Variants in BCL7A observed in about 807,000 individuals in gnomAD.
BCL7A encodes the protein BAF chromatin remodeling complex subunit BCL7A.
In BCL7A, 11 loss-of-function variants were observed where a neutral mutation model predicts 28.4. The ratio of observed to expected loss-of-function variants is 0.39; its 90% confidence interval spans 0.24 to 0.64. BCL7A has a LOEUF of 0.64. BCL7A is among the 30% of genes least tolerant of loss of function. The probability of loss-of-function intolerance (pLI) is 0.50; values close to 1 mark genes in which losing one functional copy is unlikely to be tolerated. For missense variants in BCL7A, 222 were observed against 274.8 expected, an observed-to-expected ratio of 0.81 and a Z score of 1.36; for synonymous variants, 123 against 103.3, an observed-to-expected ratio of 1.19 and a Z score of -1.15.
At chr12:122,022,243 C>CT in intron 1 of BCL7A, 60 bp downstream of exon 1, 1 of 1,129,496 alleles carries the variant, frequency 8.9e-7, no homozygotes, top group Non-Finnish European at 1.1e-6. Context: ...GAGCGCGGCT[C>CT]CAGAGAGCCG....
In BCL7A at chr12:122,042,526, G is replaced by C. The variant is rs538646278; in HGVS notation, c.272-1360G>C. Among the ~76,000 whole-genome samples, 3 of 151,754 alleles carry C rather than the reference G, an allele frequency of 2.0e-5. No homozygotes were observed. In the East Asian group the frequency reaches 5.9e-4, roughly 30 times the overall value. On this transcript the variant is annotated intron_variant, in intron 3 of 5. Transcript: ENST00000261822. ...AAAACTCAGCCAGGTATGGTGGCAGGCGCCTGTAATCTACTTGGGAGGCTG... is the reference window on the plus strand; with the variant it reads ...AAAACTCAGCCAGGTATGGTGGCAGCCGCCTGTAATCTACTTGGGAGGCTG...
At chr12:122,047,168 C>T (rs1477957136) in intron 4 of BCL7A, among the ~76,000 whole-genome samples, 2 of 151,888 alleles carry the variant, frequency 1.3e-5, no homozygotes, top group Non-Finnish European at 2.9e-5. Flanking sequence ...TCCTAAAGTG[C>T]TGGGATTACA....
intron 4 of BCL7A, among the ~76,000 whole-genome samples, chr12:122,045,597 G>T (rs1208992087): frequency 1.3e-5 from 2 of 152,120 alleles, no homozygotes; most frequent in East Asian, 1.9e-4. Context: ...ACAAATATTT[G>T]TGTGTGTTTA....
intron 4 of BCL7A, among the ~76,000 whole-genome samples, chr12:122,050,007 C>T (rs1188568530): frequency 6.6e-6 from 1 of 152,148 alleles, no homozygotes; most frequent in Non-Finnish European, 1.5e-5. Context: ...CGGAGTCTCG[C>T]TGTGTCACCC....
Position 122,029,436 on chromosome 12 carries a change from A to G in BCL7A, c.93-1264A>G, listed in dbSNP as rs1481768142. Among the ~76,000 whole-genome samples the G allele has an allele frequency of 6.6e-6, 1 of 152,074 alleles. No individual in the cohort carries two copies. The highest frequency in any genetic ancestry group is 1.5e-5 in the Non-Finnish European group (1 of 68,012). On this transcript the variant is annotated intron_variant, in intron 1 of 5. Coordinates refer to ENST00000261822, the MANE Select transcript of BCL7A (RefSeq NM_001024808.3). This position sits in a 1 kb window ranked among gnomAD's most constrained non-coding sequence, Gnocchi z 4.3. Reference sequence around the variant, plus strand: ...GGGCCACATGCCCCACGAGGGGGTGATCTAAGGCTGAGTTTGGGCAGAGAG... The same window carrying G: ...GGGCCACATGCCCCACGAGGGGGTGGTCTAAGGCTGAGTTTGGGCAGAGAG...
chr12:122,045,504 C>T (rs1884056661), intron 4 of BCL7A, among the ~76,000 whole-genome samples: 1 of 151,948 alleles, frequency 6.6e-6, no homozygotes, highest in East Asian at 1.9e-4. Context: ...CCACTGGGGG[C>T]TTGGGTGACA....
chr12:122,022,878 C>A (rs12824404), intron 1 of BCL7A, among the ~76,000 whole-genome samples: 1 of 151,840 alleles, frequency 6.6e-6, no homozygotes, highest in Non-Finnish European at 1.5e-5. Context: ...CGCCCACGTC[C>A]CACCCCGCTC....
chr12:122,043,538 C>T (rs1266175057), intron 3 of BCL7A, among the ~76,000 whole-genome samples: 2 of 151,880 alleles, frequency 1.3e-5, no homozygotes, highest in Non-Finnish European at 2.9e-5. Context: ...TTTGGGAGGC[C>T]GAGGCAGGAG....
At chr12:122,044,098 C>A in intron 4 of BCL7A, 45 bp downstream of exon 4, 1 of 1,581,654 alleles carries the variant, frequency 6.3e-7, no homozygotes, top group Non-Finnish European at 8.6e-7. Flanking sequence ...TCCCTGTAAC[C>A]GGCCTTCAGG....
chr12:122,046,948 G>A (rs1446437058), intron 4 of BCL7A, among the ~76,000 whole-genome samples: 1 of 150,544 alleles, frequency 6.6e-6, no homozygotes, highest in East Asian at 2.0e-4. Flanking sequence ...CTGTCGCCCA[G>A]GCTGGAGTGC....
intron 3 of BCL7A, among the ~76,000 whole-genome samples, chr12:122,038,221 C>T (rs2135848200): frequency 6.6e-6 from 1 of 151,784 alleles, no homozygotes; most frequent in Admixed American, 6.6e-5. Context: ...CACTTGAGGC[C>T]AGGAGTTCAA....
chr12:122,030,806 G>C, intron 2 of BCL7A, 25 bp downstream of exon 2: 1 of 1,605,146 alleles, frequency 6.2e-7, no homozygotes, highest in South Asian at 1.1e-5. Context: ...CTGGTCCCCT[G>C]GGGTGGGCCA....
At position 122,048,656 on chromosome 12, in the gene BCL7A, C is replaced by T. The variant is rs548890359; in HGVS notation, c.439+4603C>T. On this transcript the variant is annotated intron_variant, in intron 4 of 5. Coordinates refer to ENST00000261822, the MANE Select transcript of BCL7A (RefSeq NM_001024808.3). ...GTCCCAGCTACTTGGGAGGCTGAGG[C>T]GAAGATCACTTGAGCCCAGGAGTTT... Among the ~76,000 whole-genome samples, 81 of 151,782 alleles carry T rather than the reference C, an allele frequency of 5.3e-4. No individual in the cohort carries two copies. The Middle Eastern group carries it at 0.01, about 19-fold the overall frequency.
chr12:122,035,417 G>A lies in BCL7A; in HGVS notation c.261G>A (p.Met87Ile). The change falls in exon 3 of 6, where the codon ATG becomes ATA. Residue 87 changes from methionine (M) to isoleucine (I), a missense_variant. Coordinates refer to ENST00000261822, the MANE Select transcript of BCL7A (RefSeq NM_001024808.3). Reference protein sequence around the residue: ...TPENSSSPGMMDMHDDNSNQS... With the variant: ...TPENSSSPGMIDMHDDNSNQS... ...AGAACAGTTCCTCCCCAGGGATGAT[G>A]GACATGCATGGTGAGTGCCCATGGC... 6.2e-7 allele frequency: 1 copy of A among 1,613,988 alleles called. No individual in the cohort carries two copies. The highest frequency in any genetic ancestry group is 8.5e-7 in the Non-Finnish European group (1 of 1,179,864).
At chr12:122,031,690 TGGTGACAGGGGTCCCC>T (rs1340134821) in intron 2 of BCL7A, among the ~76,000 whole-genome samples, 1 of 152,140 alleles carries the variant, frequency 6.6e-6, no homozygotes, top group Admixed American at 6.5e-5. Flanking sequence ...GTGGAGCTGC[TGGTGACAGGGGTCCCC>T]GGTGCTAGGA....
At chr12:122,027,815 C>CGGGA (rs397778832) in intron 1 of BCL7A, among the ~76,000 whole-genome samples, 1 of 151,806 alleles carries the variant, frequency 6.6e-6, no homozygotes, top group African/African-American at 2.4e-5. Context: ...CCAGCCTGGG[C>CGGGA]CACAGAGCAG....
At chr12:122,035,614 G>C (rs373938459) in intron 3 of BCL7A, among the ~76,000 whole-genome samples, 187 bp downstream of exon 3, 1 of 152,224 alleles carries the variant, frequency 6.6e-6, no homozygotes, top group African/African-American at 2.4e-5. Context: ...TCTTTTCCCA[G>C]CGTACCAAGC....
At chr12:122,040,165 A>G (rs535135866) in intron 3 of BCL7A, among the ~76,000 whole-genome samples, 1 of 152,302 alleles carries the variant, frequency 6.6e-6, no homozygotes, top group East Asian at 1.9e-4. Flanking sequence ...AGGTGAAGTA[A>G]CATGCATGGT....
chr12:122,035,290 A>G (rs1331662818), intron 2 of BCL7A, 41 bp from the exon 3 acceptor site: 14 of 1,551,254 alleles, frequency 9.0e-6, no homozygotes, highest in African/African-American at 1.4e-5. Context: ...GCGCACACAC[A>G]TGATCTGGTG....
Sources: allele counts gnomAD v4.1 joint callset (sites outside exome capture counted in the v4.1 genomes callset), GRCh38; gene constraint gnomAD v4.1.1; non-coding constraint Gnocchi (gnomAD v3.1); transcripts MANE v1.5; gene names NCBI Gene and HGNC (gene_info 2026-07-23, HGNC 2026-07-21).